The following STS variants were observed in gnomAD, a reference collection of about 807,000 sequenced individuals.
STS encodes steryl-sulfatase.
Under a neutral mutation model 26.8 loss-of-function variants are expected in STS, and 7 were observed. The ratio of observed to expected loss-of-function variants is 0.26; its 90% CI spans 0.15 to 0.49. STS has a LOEUF of 0.49. Among genes scored for constraint, STS ranks in the 20% least tolerant of loss-of-function variants. STS has a pLI of 0.98. For missense variants in STS, 434 were observed against 465.6 expected, an observed-to-expected ratio of 0.93 and a Z score of 0.63; for synonymous variants, 199 against 189.4, an observed-to-expected ratio of 1.05 and a Z score of -0.42.
intron 2 of STS, among the ~76,000 whole-genome samples, chrX:7,233,293 C>T (rs1198174008): frequency 1.8e-5 from 2 of 109,608 alleles, no homozygotes; most frequent in Non-Finnish European, 3.8e-5. Context: ...GGGGTTTCAC[C>T]ATGTTGGCCA....
chrX:7,264,470 A>G (rs373549875), intron 6 of STS, among the ~76,000 whole-genome samples: 2 of 112,406 alleles, frequency 1.8e-5, no homozygotes, highest in Admixed American at 9.4e-5. Flanking sequence ...AGAACTGTAC[A>G]TTGTAGGGTG....
intron 6 of STS, among the ~76,000 whole-genome samples, chrX:7,272,217 C>CATATACAT (rs1555958528): frequency 1.1e-5 from 1 of 94,048 alleles, no homozygotes; most frequent in Non-Finnish European, 2.1e-5. Flanking sequence ...AATTTAATTA[C>CATATACAT]ATATATATAT....
intron 2 of STS, among the ~76,000 whole-genome samples, chrX:7,245,842 A>G (rs1456737640): frequency 3.6e-5 from 4 of 111,707 alleles, no homozygotes; most frequent in African/African-American, 1.3e-4. Flanking sequence ...GCCTCTCCAA[A>G]TTATCTCTGC....
rs1399320152 is a variant in STS at position 7,305,847 on chromosome X, T to A, written c.1081+664T>A. Among the ~76,000 whole-genome samples, 4 of 111,997 alleles carry A rather than the reference T, an allele frequency of 3.6e-5. No individual in the cohort carries two copies. In the East Asian group the frequency reaches 1.1e-3, roughly 32 times the overall value. The stretch of plus-strand genomic sequence containing the variant: ...GATTACGTTCGGCCCACTTGGATAA[T>A]CCCACATCATCTTCCCATCTCAAGA... On this transcript the variant is annotated intron_variant, in intron 8 of 10. Coordinates refer to ENST00000674429, the MANE Select transcript of STS (RefSeq NM_001320752.2).
rs192301748 is a variant in STS, at chrX:7,341,401, C to T, written c.1363+7294C>T. Among the ~76,000 whole-genome samples the T allele has an allele frequency of 9.0e-5, 10 of 111,505 alleles. No individual in the cohort carries two copies. The East Asian group carries it at 2.8e-3, about 32-fold the overall frequency. ...TCATACTCCTTCCACTGGCTCCATG[C>T]CTGGTCCTCGTCCTCTCAGCTGCCC... On this transcript the variant is annotated intron_variant, in intron 10 of 10. Coordinates refer to ENST00000674429, the MANE Select transcript of STS (RefSeq NM_001320752.2).
intron 1 of STS, among the ~76,000 whole-genome samples, chrX:7,189,881 G>A (rs1933841680): frequency 9.0e-6 from 1 of 111,228 alleles, no homozygotes; most frequent in Non-Finnish European, 1.9e-5. Context: ...GGTAATGAAG[G>A]AGGGCTTCCT....
In STS at chrX:7,305,108, T is replaced by A. The variant is rs1256712438; in HGVS notation, c.1006T>A (p.Ser336Thr). 1 of 1,209,294 alleles carries A rather than the reference T, an allele frequency of 8.3e-7. No homozygotes were observed. Among genetic ancestry groups the A allele is most frequent in the Non-Finnish European group, 1.1e-6 (1 of 894,611 alleles). Residue 336 changes from serine to threonine, a missense_variant, in exon 8 of 11, where the codon TCG becomes ACG. Ser to Thr is a moderately conservative substitution (Grantham distance 58). Around this residue, in one of 2 missense-constraint regions of STS, gnomAD observed 229 missense variants for 288.3 expected, o/e 0.79. Coordinates refer to ENST00000674429, the MANE Select transcript of STS (RefSeq NM_001320752.2). ...LANDTLIYFT[S>T]DQGAHVEEVS... Reference sequence around the variant, plus strand: ...TAATGATACCCTCATCTACTTCACATCGGACCAGGGAGCACATGTAGAAGA... The same window carrying A: ...TAATGATACCCTCATCTACTTCACAACGGACCAGGGAGCACATGTAGAAGA...
chrX:7,305,189 A>C lies in STS; in HGVS notation c.1081+6A>C, dbSNP rs1235529195. The C allele has an allele frequency of 2.2e-5, 27 of 1,207,867 alleles. No individual in the cohort carries two copies. Among genetic ancestry groups the C allele is most frequent in the Non-Finnish European group, 3.0e-5 (27 of 893,808 alleles). On this transcript the variant is annotated splice_donor_region_variant and intron_variant, in intron 8 of 10. Transcript: ENST00000674429. ...AAGTAATGGGATCTATAAAGGTGAG[A>C]AATGCTGGGATGGAGAAGCTCTGGC...
intron 10 of STS, among the ~76,000 whole-genome samples, chrX:7,344,552 T>C (rs1928438011): frequency 9.0e-6 from 1 of 111,418 alleles, no homozygotes. Flanking sequence ...AGACAGCTCC[T>C]CTGTGCTGTG....
intron 2 of STS, among the ~76,000 whole-genome samples, chrX:7,252,874 C>T (rs1001889187): frequency 9.0e-6 from 1 of 111,658 alleles, no homozygotes; most frequent in African/African-American, 3.3e-5. Flanking sequence ...TAAACCAGGA[C>T]AGGCACAGTC....
intron 2 of STS, among the ~76,000 whole-genome samples, chrX:7,231,232 AG>A (rs1922044613): frequency 8.9e-6 from 1 of 111,967 alleles, no homozygotes; most frequent in Admixed American, 9.5e-5. Context: ...ATCTCCGTTT[AG>A]GGGTGATGAA....
chrX:7,257,530 C>T lies in STS; in HGVS notation c.324C>T (p.Thr108=), dbSNP rs200213376. Reference sequence around the variant, plus strand: ...CAGCCTCTTCGGGAGGACTTCCCACCGATGAGATTACCTTTGCTAAGCTTC... The same window carrying T: ...CAGCCTCTTCGGGAGGACTTCCCACTGATGAGATTACCTTTGCTAAGCTTC... ...LFTASSGGLP[T]DEITFAKLLK... The change falls in exon 5 of 11, where the codon ACC becomes ACT. Residue 108 remains threonine, a synonymous_variant. Transcript: ENST00000674429. 5.5e-5 allele frequency: 67 copies of T among 1,210,400 alleles called. No individual in the cohort carries two copies. The highest frequency in any genetic ancestry group is 2.6e-4 in the Admixed American group (12 of 45,872).
chrX:7,234,229 G>A (rs1489186772), intron 2 of STS, among the ~76,000 whole-genome samples: 2 of 112,079 alleles, frequency 1.8e-5, no homozygotes, highest in African/African-American at 6.5e-5. Flanking sequence ...AAAGCTTCCT[G>A]TGAGGTCCCT....
chrX:7,177,951 C>T (rs1187022619), intron 1 of STS, among the ~76,000 whole-genome samples: 2 of 111,228 alleles, frequency 1.8e-5, no homozygotes, highest in African/African-American at 3.3e-5. Flanking sequence ...AGGCACATGC[C>T]GCCATTTCTA....
intron 2 of STS, among the ~76,000 whole-genome samples, chrX:7,201,626 T>C (rs1934075044): frequency 9.1e-6 from 1 of 109,864 alleles, no homozygotes; most frequent in Non-Finnish European, 1.9e-5. Flanking sequence ...TCCATTTCAC[T>C]CTTCAAAGGC....
chrX:7,187,137 T>G (rs1933787462), intron 1 of STS, among the ~76,000 whole-genome samples: 2 of 112,146 alleles, frequency 1.8e-5, no homozygotes, highest in South Asian at 7.4e-4. Context: ...GGAGGAAGAC[T>G]TGGGTCTTCC....
At chrX:7,177,111 C>T (rs1244914333) in intron 1 of STS, among the ~76,000 whole-genome samples, 1 of 111,542 alleles carries the variant, frequency 9.0e-6, no homozygotes, top group East Asian at 2.8e-4. Context: ...TCCCCAAACC[C>T]TTAATATAAT....
At chrX:7,274,472 G>A (rs967360767) in intron 6 of STS, among the ~76,000 whole-genome samples, 3 of 111,819 alleles carry the variant, frequency 2.7e-5, no homozygotes, top group African/African-American at 9.8e-5. Context: ...TCCCAGACGA[G>A]AGGTAAAGAT....
At chrX:7,230,474 C>G (rs1374159623) in intron 2 of STS, among the ~76,000 whole-genome samples, 1 of 111,791 alleles carries the variant, frequency 8.9e-6, no homozygotes, top group Non-Finnish European at 1.9e-5. Context: ...AAATGTGGCA[C>G]AGCCATGCAA....
Sources: allele counts gnomAD v4.1 joint callset (sites outside exome capture counted in the v4.1 genomes callset), GRCh38; gene constraint gnomAD v4.1.1; regional missense constraint gnomAD v4.1.1; transcripts MANE v1.5; gene names NCBI Gene and HGNC (gene_info 2026-07-23, HGNC 2026-07-21).